The following ZNF700 variants were observed in gnomAD, a reference collection of about 807,000 sequenced individuals.
ZNF700 encodes zinc finger protein 700.
ZNF700 carries 38 observed loss-of-function variants against 65.3 expected under a neutral mutation model. That is an observed-to-expected ratio of 0.58 (90% CI 0.45 to 0.76). ZNF700 has a LOEUF of 0.76. Ranked by LOEUF, ZNF700 falls within the 30% of genes least tolerant of loss-of-function variation. The probability of loss-of-function intolerance (pLI) is 0.00; values close to 1 mark genes in which losing one functional copy is unlikely to be tolerated. For synonymous variants in ZNF700, 285 were observed against 290.4 expected, an observed-to-expected ratio of 0.98 and a Z score of 0.19; for missense variants, 857 against 888.4, an observed-to-expected ratio of 0.96 and a Z score of 0.45.
chr19:11,942,103 A>G (rs1205099905), intron 1 of ZNF700, among the ~76,000 whole-genome samples: 1 of 151,734 alleles, frequency 6.6e-6, no homozygotes, highest in Admixed American at 6.6e-5. Flanking sequence ...GCATTCTGAC[A>G]GGATAACTGC....
intron 1 of ZNF700, among the ~76,000 whole-genome samples, chr19:11,942,310 G>A (rs1249548767): frequency 2.0e-5 from 3 of 151,644 alleles, no homozygotes; most frequent in South Asian, 2.1e-4. Flanking sequence ...TTGGGAACAG[G>A]CATTTTCAAG....
At chr19:11,942,847 T>C (rs1001530813) in intron 1 of ZNF700, among the ~76,000 whole-genome samples, 22 of 152,206 alleles carry the variant, frequency 1.4e-4, no homozygotes, top group Non-Finnish European at 1.5e-4. Flanking sequence ...TTCCTTTAAC[T>C]TTTGCTTCCT....
intron 1 of ZNF700, among the ~76,000 whole-genome samples, chr19:11,943,383 T>A (rs1972914190): frequency 6.6e-6 from 1 of 152,214 alleles, no homozygotes; most frequent in Non-Finnish European, 1.5e-5. Flanking sequence ...TCATCTGGGT[T>A]TCTTACCGGG....
At chr19:11,939,747 C>CA (rs1417605375) in intron 1 of ZNF700, among the ~76,000 whole-genome samples, 9 of 152,254 alleles carry the variant, frequency 5.9e-5, no homozygotes, top group African/African-American at 2.2e-4. Context: ...AGGCATGAGT[C>CA]ACCACACCTG....
At position 11,950,199 on chromosome 19, in the gene ZNF700, T is replaced by C. The variant is rs1973044192; in HGVS notation, c.2175T>C (p.Thr725=). 6.2e-7 allele frequency: 1 copy of C among 1,613,436 alleles called. No homozygotes were observed. Among genetic ancestry groups the C allele is most frequent in the Non-Finnish European group, 8.5e-7 (1 of 1,179,822 alleles). ...YFSSLHIHAR[T]HMGEKPYECK... ...CTTCCTTGCATATACACGCAAGGACTCATATGGGAGAGAAGCCATATGAAT... is the reference window on the plus strand; with the variant it reads ...CTTCCTTGCATATACACGCAAGGACCCATATGGGAGAGAAGCCATATGAAT... The change falls in exon 4 of 4, where the codon ACT becomes ACC. Residue 725 remains threonine, a synonymous_variant. Transcript: ENST00000254321.
At chr19:11,942,918 T>A (rs569771439) in intron 1 of ZNF700, among the ~76,000 whole-genome samples, 1 of 152,300 alleles carries the variant, frequency 6.6e-6, no homozygotes, top group Non-Finnish European at 1.5e-5. Flanking sequence ...TTCCCCCCTT[T>A]GAGAATCTCA....
chr19:11,937,311 G>A (rs755346641), intron 1 of ZNF700, among the ~76,000 whole-genome samples: 1 of 152,026 alleles, frequency 6.6e-6, no homozygotes, highest in African/African-American at 2.4e-5. Flanking sequence ...AGGTGTTTCA[G>A]TACCATTTGT....
intron 1 of ZNF700, among the ~76,000 whole-genome samples, chr19:11,944,103 A>G (rs1972924567): frequency 1.3e-5 from 2 of 152,144 alleles, no homozygotes; most frequent in African/African-American, 4.8e-5. Flanking sequence ...ACCTGGGGAG[A>G]AAGGGTGAAC....
intron 1 of ZNF700, among the ~76,000 whole-genome samples, chr19:11,932,576 G>C (rs2145277390): frequency 6.8e-6 from 1 of 146,582 alleles, no homozygotes; most frequent in Non-Finnish European, 1.5e-5. Context: ...CCCAACCTGG[G>C]TACCCATCCA....
At chr19:11,936,997 T>A (rs1291003763) in intron 1 of ZNF700, among the ~76,000 whole-genome samples, 9 of 152,206 alleles carry the variant, frequency 5.9e-5, no homozygotes. Context: ...CAGATGGTTG[T>A]ATATGTGTGG....
rs1009535802 is a variant in ZNF700 at position 11,946,923 on chromosome 19, C to A, written c.64-258C>A. The A allele has an allele frequency of 3.3e-5, 19 of 573,790 alleles. No individual in the cohort carries two copies. The South Asian group carries it at 5.7e-4, about 17-fold the overall frequency. The allele number at this position is 573,790 out of a possible 1,614,324, so 35.5% of individuals were successfully genotyped here. On this transcript the variant is annotated intron_variant, in intron 1 of 3. Transcript: ENST00000254321. ...GCTGAGGCAGGAGAATCGCTTGAAC[C>A]CCGGTGGTGAGCCAATATCACGCCA...
intron 1 of ZNF700, among the ~76,000 whole-genome samples, chr19:11,932,854 G>A (rs201135051): frequency 3.4e-5 from 5 of 147,688 alleles, no homozygotes; most frequent in East Asian, 3.9e-4. Context: ...AGCCAGGATG[G>A]TCTCAATATC....
chr19:11,936,224 A>G (rs993834694), intron 1 of ZNF700, among the ~76,000 whole-genome samples: 1 of 152,184 alleles, frequency 6.6e-6, no homozygotes, highest in Non-Finnish European at 1.5e-5. Flanking sequence ...TGCTGGGTCA[A>G]ATGGTATTTC....
chr19:11,944,781 A>G (rs1972935398), intron 1 of ZNF700, among the ~76,000 whole-genome samples: 1 of 152,202 alleles, frequency 6.6e-6, no homozygotes, highest in Non-Finnish European at 1.5e-5. Flanking sequence ...TGTTGTTGGC[A>G]GGTAATACAT....
chr19:11,941,602 C>T (rs1972885432), intron 1 of ZNF700, among the ~76,000 whole-genome samples: 1 of 152,214 alleles, frequency 6.6e-6, no homozygotes, highest in South Asian at 2.1e-4. Context: ...GCGGGGCCGC[C>T]AAGCCCACGC....
At chr19:11,933,267 GT>G in intron 1 of ZNF700, among the ~76,000 whole-genome samples, 1 of 146,920 alleles carries the variant, frequency 6.8e-6, no homozygotes, top group East Asian at 2.0e-4. Flanking sequence ...AAAAAAAAAT[GT>G]TTTAAACCAA....
chr19:11,947,609 C>T (rs1350940409), intron 3 of ZNF700, 35 bp downstream of exon 3: 6 of 1,561,244 alleles, frequency 3.8e-6, no homozygotes, highest in Middle Eastern at 1.7e-4. Flanking sequence ...CAGTGTCTCT[C>T]TGCACAATCT....
Position 11,949,028 on chromosome 19 carries a change from A to C in ZNF700, c.1004A>C (p.Glu335Ala), listed in dbSNP as rs1192693355. 3 of 1,607,304 alleles carry C rather than the reference A, an allele frequency of 1.9e-6. No individual in the cohort carries two copies. In the Admixed American group the frequency reaches 5.2e-5, roughly 28 times the overall value. ...ERTHSGKKPYECKQYGEGLSY... is the reference protein window; with the variant it reads ...ERTHSGKKPYACKQYGEGLSY... ...ACCCACTCTGGGAAAAAACCGTATG[A>C]ATGTAAGCAATATGGGGAAGGCTTA... is the stretch of plus-strand genomic sequence containing the variant. The change falls in exon 4 of 4, where the codon GAA (glutamate) becomes GCA (alanine). Residue 335 changes from glutamate (E) to alanine (A), a missense_variant. By Grantham distance (107) the Glu-to-Ala change is moderately radical. Transcript: ENST00000254321.
At chr19:11,939,658 A>C (rs1251184607) in intron 1 of ZNF700, among the ~76,000 whole-genome samples, 1 of 152,126 alleles carries the variant, frequency 6.6e-6, no homozygotes, top group Non-Finnish European at 1.5e-5. Flanking sequence ...ATGGAGTTCC[A>C]CCACGTTGGC....
Sources: allele counts gnomAD v4.1 joint callset (sites outside exome capture counted in the v4.1 genomes callset), GRCh38; gene constraint gnomAD v4.1.1; transcripts MANE v1.5; gene names NCBI Gene and HGNC (gene_info 2026-07-23, HGNC 2026-07-21).